PTPRD: variants seen among roughly 807,000 people sequenced by gnomAD.
The protein encoded by PTPRD is protein tyrosine phosphatase receptor type D.
PTPRD carries 34 observed loss-of-function variants against 214.5 expected under a neutral mutation model. The ratio of observed to expected loss-of-function variants is 0.16; its 90% CI spans 0.12 to 0.21. The LOEUF is 0.21. Ranked by LOEUF, PTPRD falls within the 10% of genes least tolerant of loss-of-function variation. PTPRD has a pLI of 1.00. For missense variants in PTPRD, 2,545 were observed against 2,398.7 expected, an observed-to-expected ratio of 1.06 and a Z score of -1.27; for synonymous variants, 1,128 against 845.7, an observed-to-expected ratio of 1.33 and a Z score of -5.79.
At chr9:10,165,128 T>G (rs1289569945) in intron 3 of PTPRD, among the ~76,000 whole-genome samples, 2 of 151,704 alleles carry the variant, frequency 1.3e-5, no homozygotes, top group Non-Finnish European at 3.0e-5. Context: ...TTCAGCAATC[T>G]CGATGGAATA....
At chr9:8,920,023 C>T (rs1291156456) in intron 11 of PTPRD, among the ~76,000 whole-genome samples, 1 of 151,678 alleles carries the variant, frequency 6.6e-6, no homozygotes, top group Non-Finnish European at 1.5e-5. Context: ...AACAAGATGA[C>T]ATATATATGT....
chr9:10,474,936 T>A (rs370410970), intron 2 of PTPRD, among the ~76,000 whole-genome samples: 1 of 152,112 alleles, frequency 6.6e-6, no homozygotes, highest in Non-Finnish European at 1.5e-5. Flanking sequence ...TTGAAAGCAA[T>A]GAGAACAAAG....
chr9:8,804,503 C>T (rs1350388424), intron 11 of PTPRD, among the ~76,000 whole-genome samples: 2 of 151,918 alleles, frequency 1.3e-5, no homozygotes, highest in Non-Finnish European at 1.5e-5. Context: ...GAGGCTGGGA[C>T]GGGAGGATTG....
At chr9:9,954,070 G>C (rs540158928) in intron 4 of PTPRD, among the ~76,000 whole-genome samples, 214 of 152,080 alleles carry the variant, frequency 1.4e-3, no homozygotes, top group African/African-American at 4.8e-3. Flanking sequence ...GCGGAGGCAG[G>C]TGGATCACTG....
intron 32 of PTPRD, among the ~76,000 whole-genome samples, chr9:8,463,183 T>C (rs184357088): frequency 1.3e-5 from 2 of 151,780 alleles, no homozygotes; most frequent in Admixed American, 6.6e-5. Flanking sequence ...AATGCTTGTA[T>C]ACTACTCTTC....
intron 14 of PTPRD, among the ~76,000 whole-genome samples, chr9:8,604,207 T>C (rs1192350787): frequency 6.6e-6 from 1 of 152,152 alleles, no homozygotes; most frequent in African/African-American, 2.4e-5. Flanking sequence ...GACCCATGCA[T>C]GAAGTAAAAC....
intron 7 of PTPRD, among the ~76,000 whole-genome samples, chr9:9,706,735 T>C (rs189495441): frequency 6.6e-6 from 1 of 152,198 alleles, no homozygotes; most frequent in Non-Finnish European, 1.5e-5. Flanking sequence ...CCACCATGCC[T>C]GGCCTACTAA....
intron 2 of PTPRD, among the ~76,000 whole-genome samples, chr9:10,385,432 T>C (rs952439614): frequency 2.0e-5 from 3 of 151,844 alleles, no homozygotes; most frequent in Admixed American, 1.3e-4. Context: ...TCTCATTCAT[T>C]TATTCAGCAA....
rs150658120 is a variant in PTPRD at position 10,540,132 on chromosome 9, C to CAAT, written c.-600+72263_-600+72265dup. Among the ~76,000 whole-genome samples, 51 of 152,172 alleles carry CAAT rather than the reference C, an allele frequency of 3.4e-4. No individual in the cohort carries two copies. In the East Asian group the frequency reaches 8.9e-3, roughly 27 times the overall value. ...TCAACCTCCTCCTCCCAGGTTCAAC[C>CAAT]AATTCTCCTCCCTCAGCCTCCAGAG... On this transcript the variant is annotated intron_variant, in intron 2 of 45. Transcript: ENST00000381196.
chr9:8,317,271 T>C lies in PTPRD; in HGVS notation c.*603A>G, dbSNP rs1180824609. On this transcript the variant is annotated 3_prime_UTR_variant, in exon 46 of 46. Coordinates refer to ENST00000381196, the MANE Select transcript of PTPRD (RefSeq NM_002839.4). ...ATAAAAAAATGAAGAGTTATGTAACTTTTTTAAAATTCACTTTATCGAATG... is the reference window on the plus strand; with the variant it reads ...ATAAAAAAATGAAGAGTTATGTAACCTTTTTAAAATTCACTTTATCGAATG... 1.7e-5 allele frequency: 4 copies of C among 232,202 alleles called. No individual in the cohort carries two copies. The highest frequency in any genetic ancestry group is 3.4e-5 in the Non-Finnish European group (4 of 117,196). 14.4% of individuals were successfully genotyped at this position (232,202 alleles called of 1,614,324 possible). A position where few individuals can be genotyped will look rare whatever the true frequency, so the allele number is the denominator to read the frequency against.
chr9:8,878,686 C>T (rs2098416533), intron 11 of PTPRD, among the ~76,000 whole-genome samples: 1 of 152,096 alleles, frequency 6.6e-6, no homozygotes, highest in South Asian at 2.1e-4. Context: ...TGCTACCATG[C>T]CCAGATAACT....
chr9:8,473,803 T>C (rs1472837735), intron 30 of PTPRD, among the ~76,000 whole-genome samples: 5 of 152,132 alleles, frequency 3.3e-5, no homozygotes, highest in Admixed American at 6.5e-5. Flanking sequence ...CGGCAAGATA[T>C]CCACAACCTT....
chr9:9,700,533 G>T (rs1256498694), intron 7 of PTPRD, among the ~76,000 whole-genome samples: 5 of 151,990 alleles, frequency 3.3e-5, no homozygotes, highest in African/African-American at 4.8e-5. Context: ...GTAGAGAAAT[G>T]AGATAATTAG....
Position 10,311,928 on chromosome 9 carries a change from C to CT in PTPRD, c.-545+29034dup, listed in dbSNP as rs997457416. On this transcript the variant is annotated intron_variant, in intron 3 of 45. Coordinates refer to ENST00000381196, the MANE Select transcript of PTPRD (RefSeq NM_002839.4). ...AGATGTCATAGAGCTTTATTTACCA[C>CT]TTTTTTTTTCTCTCTCTCTTCCCTG... is the stretch of plus-strand genomic sequence containing the variant. 7.3e-5 allele frequency among the ~76,000 whole-genome samples: 11 copies of CT among 151,528 alleles called. No individual in the cohort carries two copies. The East Asian group carries it at 1.6e-3, about 21-fold the overall frequency.
intron 9 of PTPRD, among the ~76,000 whole-genome samples, chr9:9,184,339 C>T (rs900499565): frequency 6.6e-6 from 1 of 152,058 alleles, no homozygotes; most frequent in Non-Finnish European, 1.5e-5. Context: ...TGACTACATT[C>T]CTCACCATGG....
intron 2 of PTPRD, among the ~76,000 whole-genome samples, chr9:10,355,970 T>A (rs1335689022): frequency 1.3e-5 from 2 of 152,208 alleles, no homozygotes; most frequent in Non-Finnish European, 2.9e-5. Flanking sequence ...CACTGAGATG[T>A]ACACTGGGAA....
intron 11 of PTPRD, among the ~76,000 whole-genome samples, chr9:8,897,261 T>G (rs1032735848): frequency 6.6e-6 from 1 of 152,132 alleles, no homozygotes; most frequent in African/African-American, 2.4e-5. Flanking sequence ...ACATGCAGAC[T>G]GACTCATAGC....
chr9:10,328,275 T>C (rs966130142), intron 3 of PTPRD, among the ~76,000 whole-genome samples: 2 of 151,704 alleles, frequency 1.3e-5, no homozygotes, highest in African/African-American at 4.8e-5. Context: ...CAGAGACACA[T>C]ATTAAGTTTT....
At position 10,350,469 on chromosome 9, in the gene PTPRD, C is replaced by CA. The variant is rs545886820; in HGVS notation, c.-599-9453dup. Among the ~76,000 whole-genome samples the CA allele has an allele frequency of 2.8e-4, 42 of 151,524 alleles. 1 individual carries two copies. Among genetic ancestry groups the CA allele is most frequent in the Non-Finnish European group, 5.6e-4 (38 of 67,828 alleles). On this transcript the variant is annotated intron_variant, in intron 2 of 45. Transcript: ENST00000381196. The stretch of plus-strand genomic sequence containing the variant: ...ATAGTATACAATTATTTTATAAAAT[C>CA]AAAAAAAATTAAGCATTTACTTTGA...
Sources: gnomAD v4.1 joint callset for allele counts (sites outside exome capture counted in the v4.1 genomes callset) on GRCh38, gnomAD v4.1.1 for gene constraint, MANE v1.5 for transcripts, NCBI Gene and HGNC (gene_info 2026-07-23, HGNC 2026-07-21) for gene names.